The following CLIP1 variants were observed in gnomAD, a reference collection of about 807,000 sequenced individuals.
CLIP1 encodes the protein CAP-Gly domain containing linker protein 1, also known as CAP-Gly domain-containing linker protein 1.
Under a neutral mutation model 161.6 loss-of-function variants are expected in CLIP1, and 66 were observed. The observed-to-expected ratio is 0.41, with a 90% confidence interval of 0.33 to 0.50. The LOEUF (loss-of-function observed/expected upper bound fraction) is 0.50, where lower values mean the gene tolerates loss of function less well. Ranked by LOEUF, CLIP1 falls within the 20% of genes least tolerant of loss-of-function variation. CLIP1 has a pLI of 0.27. For missense variants in CLIP1, 1,376 were observed against 1,702.0 expected (o/e 0.81, Z 3.37); for synonymous variants, 598 against 626.2 (o/e 0.96, Z 0.67).
At chr12:122,387,877 C>A (rs1453642864) in intron 1 of CLIP1, among the ~76,000 whole-genome samples, 1 of 151,890 alleles carries the variant, frequency 6.6e-6, no homozygotes, top group East Asian at 1.9e-4. Context: ...TGAACCACTG[C>A]ACCTGGCCTA....
chr12:122,278,118 C>A (rs757218161), intron 24 of CLIP1, 36 bp downstream of exon 24: 5 of 1,578,584 alleles, frequency 3.2e-6, no homozygotes, highest in African/African-American at 1.4e-5. Flanking sequence ...TTTTGAAAAA[C>A]AGCAAGAAAG....
chr12:122,375,478 A>T (rs2136757782), intron 3 of CLIP1, among the ~76,000 whole-genome samples: 1 of 152,166 alleles, frequency 6.6e-6, no homozygotes, highest in African/African-American at 2.4e-5. Context: ...CACTGAGCTC[A>T]GCTAATTTTT....
In CLIP1 at chr12:122,303,735, C is replaced by T. The variant is rs73404024; in HGVS notation, c.3594+6027G>A. Among the ~76,000 whole-genome samples the T allele has an allele frequency of 9.3e-3, 1,410 of 152,266 alleles. 8 individuals carry two copies. The highest frequency in any genetic ancestry group is 0.031 in the African/African-American group (1,292 of 41,540). ...CCTTCCCTTCCTAGAGACTGGAACA[C>T]AGCCTCTCCTGTGATTGGAGGTGGT... On this transcript the variant is annotated intron_variant, in intron 20 of 25. Coordinates refer to ENST00000620786, the MANE Select transcript of CLIP1 (RefSeq NM_001247997.2).
At position 122,341,533 on chromosome 12, in the gene CLIP1, T is replaced by C; in HGVS notation, c.1671A>G (p.Glu557=). The change falls in exon 11 of 26, where the codon GAA becomes GAG. Residue 557 remains glutamate (E), a synonymous_variant. Transcript: ENST00000620786. ...GGTCAGTACGGGTGACTTCTAACTT[T>C]TCTTGCAAAGAGCTTATCTCTTGCA... The part of the protein sequence containing the change: ...SLLQEISSLQ[E]KLEVTRTDHQ... 1 of 1,614,118 alleles carries C rather than the reference T, an allele frequency of 6.2e-7. No individual in the cohort carries two copies. Among genetic ancestry groups the C allele is most frequent in the East Asian group, 2.2e-5 (1 of 44,878 alleles).
chr12:122,380,983 C>G (rs539607058), intron 1 of CLIP1, among the ~76,000 whole-genome samples: 1 of 151,996 alleles, frequency 6.6e-6, no homozygotes, highest in Non-Finnish European at 1.5e-5. Context: ...GAGCCATGAT[C>G]GATCACACCA....
At chr12:122,347,346 C>G in intron 10 of CLIP1, 29 bp downstream of exon 10, 1 of 1,506,364 alleles carries the variant, frequency 6.6e-7, no homozygotes, top group Non-Finnish European at 9.2e-7. Flanking sequence ...ATGCATGGGT[C>G]TGCTTCATTA....
intron 3 of CLIP1, among the ~76,000 whole-genome samples, chr12:122,371,034 A>C (rs1954427789): frequency 1.3e-5 from 2 of 152,124 alleles, no homozygotes; most frequent in Non-Finnish European, 2.9e-5. Context: ...TTTATTCACC[A>C]GAAGCAGTCT....
At chr12:122,360,931 G>A in intron 5 of CLIP1, 28 bp downstream of exon 5, 3 of 1,567,946 alleles carry the variant, frequency 1.9e-6, no homozygotes, top group Non-Finnish European at 1.7e-6. Flanking sequence ...CTGGGAAGTG[G>A]AGGCAGGTAG....
At chr12:122,334,854 TTAC>T (rs1487676836) in intron 12 of CLIP1, 149 bp from the exon 13 acceptor site, 3 of 630,886 alleles carry the variant, frequency 4.8e-6, no homozygotes, top group African/African-American at 1.8e-5. Context: ...ATGACACCAA[TTAC>T]TACATGTGGG....
intron 1 of CLIP1, among the ~76,000 whole-genome samples, chr12:122,408,161 G>C (rs921194595): frequency 1.5e-4 from 22 of 150,782 alleles, no homozygotes; most frequent in African/African-American, 5.1e-4. Flanking sequence ...ACTTGAACCC[G>C]GGAGACGGAG....
chr12:122,422,595 C>T lies in CLIP1; in HGVS notation c.-181G>A, dbSNP rs1956995099. On this transcript the variant is annotated 5_prime_UTR_variant, in exon 1 of 26. Coordinates refer to ENST00000620786, the MANE Select transcript of CLIP1 (RefSeq NM_001247997.2). The stretch of plus-strand genomic sequence containing the variant: ...AGCCGCCGCGGCCGCCGCCTCCCGC[C>T]TCCCGGCTCGTCGGCTCGGGGCGGG... 6.7e-6 allele frequency: 1 copy of T among 148,608 alleles called. No individual in the cohort carries two copies. Among genetic ancestry groups the T allele is most frequent in the African/African-American group, 2.5e-5 (1 of 40,724 alleles). The allele number at this position is 148,608 out of a possible 1,614,324, so 9.2% of individuals were successfully genotyped here.
intron 7 of CLIP1, 115 bp from the exon 8 acceptor site, chr12:122,352,901 C>G: frequency 9.4e-6 from 8 of 847,090 alleles, no homozygotes; most frequent in Non-Finnish European, 1.6e-5. Flanking sequence ...CTCCTATAAT[C>G]CCAGCAATTT....
In CLIP1 at chr12:122,316,965, C is replaced by G. The variant is rs1184374986; in HGVS notation, c.3367-110G>C. The stretch of plus-strand genomic sequence containing the variant: ...CTGAAAAGACAGATGAAATTAGTCA[C>G]TCGCAAAAAAAAAAAGTCTCCTGGG... On this transcript the variant is annotated intron_variant, in intron 18 of 25. Coordinates refer to ENST00000620786, the MANE Select transcript of CLIP1 (RefSeq NM_001247997.2). 7 of 677,360 alleles carry G rather than the reference C, an allele frequency of 1.0e-5. No homozygotes were observed. In the East Asian group the frequency reaches 1.8e-4, roughly 17 times the overall value. The allele number at this position is 677,360 out of a possible 1,614,324, so 42.0% of individuals were successfully genotyped here. A position where few individuals can be genotyped will look rare whatever the true frequency, so the allele number is the denominator to read the frequency against.
intron 20 of CLIP1, among the ~76,000 whole-genome samples, chr12:122,296,935 G>A (rs1301039259): frequency 6.6e-6 from 1 of 151,374 alleles, no homozygotes; most frequent in African/African-American, 2.4e-5. Flanking sequence ...GCGTAGACGA[G>A]TGGCCAAGAG....
intron 1 of CLIP1, among the ~76,000 whole-genome samples, chr12:122,390,509 G>C (rs1241202150): frequency 1.3e-5 from 2 of 151,002 alleles, no homozygotes; most frequent in Non-Finnish European, 2.9e-5. Flanking sequence ...ATGGAGTTTG[G>C]ACATGTTGGC....
At chr12:122,297,743 C>A (rs1950527743) in intron 20 of CLIP1, among the ~76,000 whole-genome samples, 1 of 152,182 alleles carries the variant, frequency 6.6e-6, no homozygotes, top group African/African-American at 2.4e-5. Context: ...AAGCCTCAGT[C>A]ATTTTTGCAT....
At chr12:122,384,819 T>TC (rs1204176889) in intron 1 of CLIP1, among the ~76,000 whole-genome samples, 2 of 151,742 alleles carry the variant, frequency 1.3e-5, no homozygotes, top group African/African-American at 4.8e-5. Flanking sequence ...TTTTTTTTTT[T>TC]TCTCTTCTAA....
intron 4 of CLIP1, among the ~76,000 whole-genome samples, chr12:122,362,750 T>C (rs1593167203): frequency 8.1e-6 from 1 of 123,228 alleles, no homozygotes; most frequent in South Asian, 2.6e-4. Context: ...TCTGCAAGTA[T>C]AGCATTGAGA....
chr12:122,341,886 C>T lies in CLIP1; in HGVS notation c.1507-189G>A, dbSNP rs561651958. The T allele has an allele frequency of 3.8e-4, 148 of 385,248 alleles. 1 individual carries two copies. Among genetic ancestry groups the T allele is most frequent in the Non-Finnish European group, 6.2e-4 (138 of 220,822 alleles). 23.9% of individuals were successfully genotyped at this position (385,248 alleles called of 1,614,324 possible). On this transcript the variant is annotated intron_variant, in intron 10 of 25. Transcript: ENST00000620786. ...GCAACCTCCACCTCCTGGGTTCAGGCGATTCTCCTGCCTCAGCCTCCTGAG... is the reference window on the plus strand; with the variant it reads ...GCAACCTCCACCTCCTGGGTTCAGGTGATTCTCCTGCCTCAGCCTCCTGAG...
Sources: allele counts gnomAD v4.1 joint callset (sites outside exome capture counted in the v4.1 genomes callset), GRCh38; gene constraint gnomAD v4.1.1; transcripts MANE v1.5; gene names NCBI Gene and HGNC (gene_info 2026-07-23, HGNC 2026-07-21).